The following RTN1 variants were observed in gnomAD, a reference collection of about 807,000 sequenced individuals.
The protein encoded by RTN1 is reticulon 1, also known as reticulon-1.
RTN1 carries 25 observed loss-of-function variants against 65.5 expected under a neutral mutation model. The ratio of observed to expected loss-of-function variants is 0.38; its 90% CI spans 0.28 to 0.53. The LOEUF (loss-of-function observed/expected upper bound fraction) is 0.53, where lower values mean the gene tolerates loss of function less well. RTN1 is among the 20% of genes least tolerant of loss of function. The probability of loss-of-function intolerance (pLI) is 0.79; values close to 1 mark genes in which losing one functional copy is unlikely to be tolerated. For synonymous variants in RTN1, 471 were observed against 447.6 expected, an observed-to-expected ratio of 1.05 and a Z score of -0.66; for missense variants, 983 against 1,025.4, an observed-to-expected ratio of 0.96 and a Z score of 0.57.
At chr14:59,666,962 C>CAAAAAA (rs146213616) in intron 3 of RTN1, among the ~76,000 whole-genome samples, 10 of 60,130 alleles carry the variant, frequency 1.7e-4, no homozygotes, top group East Asian at 5.3e-4. Flanking sequence ...GCCGACCAAC[C>CAAAAAA]AAAAAAAAAA....
intron 1 of RTN1, among the ~76,000 whole-genome samples, chr14:59,805,870 C>T (rs866597815): frequency 6.6e-6 from 1 of 152,126 alleles, no homozygotes; most frequent in Non-Finnish European, 1.5e-5. Context: ...TTACTGAATT[C>T]AATCCTATTT....
intron 3 of RTN1, among the ~76,000 whole-genome samples, chr14:59,619,201 C>T (rs1017705649): frequency 3.3e-5 from 5 of 152,168 alleles, no homozygotes; most frequent in Non-Finnish European, 5.9e-5. Flanking sequence ...GTGAAAACAG[C>T]ATTTCAAAGC....
chr14:59,688,944 C>A (rs925232386), intron 3 of RTN1, among the ~76,000 whole-genome samples: 1 of 152,104 alleles, frequency 6.6e-6, no homozygotes, highest in Non-Finnish European at 1.5e-5. Flanking sequence ...AAAGATTACA[C>A]TAGCTCTCCA....
chr14:59,716,729 G>A (rs765251883), intron 3 of RTN1, among the ~76,000 whole-genome samples: 11 of 151,756 alleles, frequency 7.2e-5, no homozygotes, highest in Admixed American at 4.6e-4. Flanking sequence ...AGGCCAAAGC[G>A]GGTGGATCAC....
chr14:59,855,625 C>G (rs1017788531), intron 1 of RTN1, among the ~76,000 whole-genome samples: 2 of 152,076 alleles, frequency 1.3e-5, no homozygotes, highest in Non-Finnish European at 2.9e-5. Flanking sequence ...CCTACTGGTT[C>G]TTGTAATTTT....
chr14:59,697,420 T>C (rs1168195463), intron 3 of RTN1, among the ~76,000 whole-genome samples: 2 of 152,186 alleles, frequency 1.3e-5, no homozygotes, highest in African/African-American at 4.8e-5. Flanking sequence ...ACTGAATATA[T>C]GTTTACAGAA....
At chr14:59,834,761 A>C (rs1401208963) in intron 1 of RTN1, among the ~76,000 whole-genome samples, 1 of 152,208 alleles carries the variant, frequency 6.6e-6, no homozygotes, top group Non-Finnish European at 1.5e-5. Context: ...AAAAATTCAA[A>C]ATGATGATCC....
chr14:59,728,249 CTTTTTT>C (rs200434592), intron 2 of RTN1, among the ~76,000 whole-genome samples: 5 of 124,164 alleles, frequency 4.0e-5, no homozygotes, highest in African/African-American at 1.2e-4. Flanking sequence ...GAATCAGTAT[CTTTTTT>C]TTTTTTTTTT....
rs867087910 is a variant in RTN1 at position 59,749,138 on chromosome 14, C to A, written c.242-2657G>T. ...TATATATATATAGATATATCTATAT[C>A]TATCTATCTATCTATCTATATCTAT... is the stretch of plus-strand genomic sequence containing the variant. On this transcript the variant is annotated intron_variant, in intron 1 of 8. Transcript: ENST00000267484. Among the ~76,000 whole-genome samples the A allele has an allele frequency of 1.4e-3, 143 of 103,438 alleles. 16 individuals are homozygous for A. Among genetic ancestry groups the A allele is most frequent in the African/African-American group, 7.0e-3 (125 of 17,920 alleles). 67.9% of individuals were successfully genotyped at this position (103,438 alleles called of 152,430 possible).
rs1887470335 is a variant in RTN1 at position 59,849,720 on chromosome 14, A to C, written c.241+20670T>G. On this transcript the variant is annotated intron_variant, in intron 1 of 8. Coordinates refer to ENST00000267484, the MANE Select transcript of RTN1 (RefSeq NM_021136.3). This position sits in a 1 kb window ranked among gnomAD's most constrained non-coding sequence, Gnocchi z 4.5. ...ACTTATAGAAGTTTCTCCTGGTTTA[A>C]GGATCTAAGCAATCATAAACATGTG... is the stretch of plus-strand genomic sequence containing the variant. 6.6e-6 allele frequency among the ~76,000 whole-genome samples: 1 copy of C among 152,186 alleles called. No individual in the cohort carries two copies. The highest frequency in any genetic ancestry group is 1.5e-5 in the Non-Finnish European group (1 of 68,016).
chr14:59,826,269 C>T (rs1887029403), intron 1 of RTN1, among the ~76,000 whole-genome samples: 1 of 152,224 alleles, frequency 6.6e-6, no homozygotes, highest in Non-Finnish European at 1.5e-5. Context: ...GAAAGTGAAA[C>T]TCTCTGTGCC....
In RTN1 at chr14:59,745,960, A is replaced by G. The variant is rs1885211456; in HGVS notation, c.763T>C (p.Leu255=). ...TATGGAGCAAATGTGGATTCTTCCA[A>G]TAAATGGTCCTTGATGATTTTTCCC... ...VEGKIIKDHL[L]EESTFAPYID... is the part of the protein sequence containing the mutation. The change falls in exon 2 of 9, where the codon TTG becomes CTG. Residue 255 remains leucine, a synonymous_variant. Coordinates refer to ENST00000267484, the MANE Select transcript of RTN1 (RefSeq NM_021136.3). 10 of 1,614,124 alleles carry G rather than the reference A, an allele frequency of 6.2e-6. No individual in the cohort carries two copies. In the East Asian group the frequency reaches 1.8e-4, roughly 29 times the overall value.
chr14:59,613,447 C>T (rs898255598), intron 3 of RTN1, among the ~76,000 whole-genome samples: 14 of 152,024 alleles, frequency 9.2e-5, no homozygotes, highest in Non-Finnish European at 1.3e-4. Context: ...TATAGGTGCG[C>T]GCAAACACGC....
chr14:59,815,467 C>T (rs1254565995), intron 1 of RTN1, among the ~76,000 whole-genome samples: 1 of 152,174 alleles, frequency 6.6e-6, no homozygotes, highest in Non-Finnish European at 1.5e-5. Context: ...CCCAAATCCC[C>T]CTACAGTTGC....
intron 3 of RTN1, among the ~76,000 whole-genome samples, chr14:59,670,199 G>A (rs1052830655): frequency 6.6e-6 from 1 of 152,156 alleles, no homozygotes; most frequent in Non-Finnish European, 1.5e-5. Context: ...CCCACTCAAA[G>A]TTTCCTTTGC....
chr14:59,832,844 A>G (rs1166258803), intron 1 of RTN1, among the ~76,000 whole-genome samples: 1 of 152,172 alleles, frequency 6.6e-6, no homozygotes, highest in Non-Finnish European at 1.5e-5. Flanking sequence ...CCGGAGATTT[A>G]TGATCTTGTT....
chr14:59,605,289 G>T, intron 5 of RTN1, 79 bp downstream of exon 5: 1 of 1,443,798 alleles, frequency 6.9e-7, no homozygotes, highest in Non-Finnish European at 9.4e-7. Flanking sequence ...TATTCTTCTT[G>T]ATGTAGCAGT....
At chr14:59,781,818 G>C (rs1276601781) in intron 1 of RTN1, among the ~76,000 whole-genome samples, 2 of 152,148 alleles carry the variant, frequency 1.3e-5, no homozygotes, top group Non-Finnish European at 2.9e-5. Context: ...AAGTGAATAA[G>C]TTAGATAAGA....
chr14:59,782,842 C>T (rs1195929026), intron 1 of RTN1, among the ~76,000 whole-genome samples: 2 of 152,104 alleles, frequency 1.3e-5, no homozygotes, highest in Non-Finnish European at 2.9e-5. Context: ...TTCTCTCTCT[C>T]TCTTTTTGAG....
Sources: gnomAD v4.1 joint callset for allele counts (sites outside exome capture counted in the v4.1 genomes callset) on GRCh38, gnomAD v4.1.1 for gene constraint, Gnocchi (gnomAD v3.1) non-coding constraint, MANE v1.5 for transcripts, NCBI Gene and HGNC (gene_info 2026-07-23, HGNC 2026-07-21) for gene names.